STXBP4: variants seen among roughly 807,000 people sequenced by gnomAD.
STXBP4 encodes the protein syntaxin binding protein 4.
STXBP4 carries 55 observed loss-of-function variants against 76.1 expected under a neutral mutation model. The observed-to-expected ratio is 0.72, with a 90% confidence interval of 0.58 to 0.91. STXBP4 has a LOEUF of 0.91. Ranked by LOEUF, STXBP4 falls within the 40% of genes least tolerant of loss-of-function variation. The pLI is 0.00. For synonymous variants in STXBP4, 201 were observed against 220.2 expected (o/e 0.91, Z 0.77); for missense variants, 618 against 636.9 (o/e 0.97, Z 0.32).
At chr17:55,020,925 A>C (rs1466809319) in intron 8 of STXBP4, among the ~76,000 whole-genome samples, 5 of 152,140 alleles carry the variant, frequency 3.3e-5, no homozygotes, top group African/African-American at 1.2e-4. Context: ...AAAGATTTAC[A>C]TATGTATGTT....
At chr17:55,036,668 A>G (rs546428831) in intron 10 of STXBP4, among the ~76,000 whole-genome samples, 3 of 151,986 alleles carry the variant, frequency 2.0e-5, no homozygotes, top group African/African-American at 4.8e-5. Flanking sequence ...AATAAATGAT[A>G]TGGTCAGTCA....
chr17:55,144,137 A>G (rs952179510), intron 17 of STXBP4, among the ~76,000 whole-genome samples: 16 of 152,164 alleles, frequency 1.1e-4, no homozygotes, highest in African/African-American at 3.6e-4. Flanking sequence ...ATTTAGGAAG[A>G]GCTCTATACT....
At chr17:55,184,352 A>G in the STXBP4 span, among the ~76,000 whole-genome samples, 2 of 152,230 alleles carry the variant, frequency 1.3e-5, no homozygotes, top group African/African-American at 4.8e-5. Flanking sequence ...TAACACATGC[A>G]CAAGTGTACC....
intron 4 of STXBP4, among the ~76,000 whole-genome samples, chr17:54,995,541 G>A (rs752218265): frequency 4.6e-5 from 7 of 152,174 alleles, no homozygotes; most frequent in African/African-American, 7.2e-5. Flanking sequence ...GTGTGTGTAT[G>A]TACGTATTTT....
intron 10 of STXBP4, among the ~76,000 whole-genome samples, chr17:55,041,534 A>G: frequency 6.6e-6 from 1 of 152,044 alleles, no homozygotes; most frequent in Admixed American, 6.6e-5. Context: ...AAACTTCTGA[A>G]TCCTGCTTAT....
chr17:55,105,714 G>A (rs907756136), intron 16 of STXBP4, among the ~76,000 whole-genome samples: 10 of 151,660 alleles, frequency 6.6e-5, no homozygotes, highest in Middle Eastern at 3.2e-3. Context: ...TCCGGACCCC[G>A]TTACCCACCA....
At chr17:55,027,937 A>C (rs1006407067) in intron 8 of STXBP4, among the ~76,000 whole-genome samples, 4 of 152,122 alleles carry the variant, frequency 2.6e-5, no homozygotes, top group African/African-American at 4.8e-5. Flanking sequence ...ATATGCTTTT[A>C]GTATATACCA....
intron 12 of STXBP4, among the ~76,000 whole-genome samples, chr17:55,060,225 A>G (rs2078978833): frequency 6.6e-6 from 1 of 152,116 alleles, no homozygotes; most frequent in African/African-American, 2.4e-5. Flanking sequence ...TTTCTTATGT[A>G]CATAGAATGA....
intron 16 of STXBP4, among the ~76,000 whole-genome samples, chr17:55,134,213 C>T (rs2080002886): frequency 1.3e-5 from 2 of 151,538 alleles, no homozygotes; most frequent in Admixed American, 1.3e-4. Context: ...TCTAGAAGTT[C>T]TCTTTCTGCT....
At chr17:55,036,032 C>T (rs1440391069) in intron 10 of STXBP4, among the ~76,000 whole-genome samples, 3 of 151,926 alleles carry the variant, frequency 2.0e-5, no homozygotes, top group African/African-American at 7.2e-5. Flanking sequence ...TTAAAATCTG[C>T]TCTCTTAGCA....
rs531158426 is a variant in STXBP4, at chr17:55,148,861, C to T, written c.1547+7494C>T. ...TTGGCTTTTAGTGGACACTGTCTAA[C>T]ACCCTCCTTCTAAAGATCTCATTAA... is the stretch of plus-strand genomic sequence containing the variant. On this transcript the variant is annotated intron_variant, in intron 17 of 17. Coordinates refer to ENST00000376352, the MANE Select transcript of STXBP4 (RefSeq NM_178509.6). 7.9e-5 allele frequency among the ~76,000 whole-genome samples: 12 copies of T among 152,294 alleles called. No individual in the cohort carries two copies. In the East Asian group the frequency reaches 2.3e-3, roughly 29 times the overall value.
the STXBP4 span, among the ~76,000 whole-genome samples, chr17:55,199,415 G>T: frequency 6.6e-6 from 1 of 152,160 alleles, no homozygotes; most frequent in Non-Finnish European, 1.5e-5. Flanking sequence ...AAAGAATTTT[G>T]GTTCATTATA....
chr17:55,090,857 GT>G (rs2079404385), intron 16 of STXBP4, among the ~76,000 whole-genome samples: 1 of 232 alleles, frequency 4.3e-3, no homozygotes, highest in Non-Finnish European at 7.0e-3. Flanking sequence ...GTGTGTGTCT[GT>G]GTGTGTGTGT....
intron 10 of STXBP4, among the ~76,000 whole-genome samples, chr17:55,038,410 C>G (rs977271093): frequency 2.0e-5 from 3 of 152,072 alleles, no homozygotes; most frequent in African/African-American, 2.4e-5. Context: ...AATATGTACT[C>G]TTTTGTAACT....
At chr17:55,149,595 A>G (rs2080192551) in intron 17 of STXBP4, among the ~76,000 whole-genome samples, 1 of 152,200 alleles carries the variant, frequency 6.6e-6, no homozygotes, top group South Asian at 2.1e-4. Context: ...TCCTTATTTT[A>G]TACTATTGCT....
At chr17:54,993,062 T>C (rs2077744084) in intron 4 of STXBP4, among the ~76,000 whole-genome samples, 1 of 152,196 alleles carries the variant, frequency 6.6e-6, no homozygotes, top group Admixed American at 6.5e-5. Flanking sequence ...TTTGTTACGA[T>C]GAAAACTATT....
At chr17:55,036,304 GT>G in intron 10 of STXBP4, among the ~76,000 whole-genome samples, 1 of 151,544 alleles carries the variant, frequency 6.6e-6, no homozygotes, top group Non-Finnish European at 1.5e-5. Context: ...ATAAATTTAA[GT>G]TTCTGTGAAC....
chr17:55,091,533 G>A (rs1400636769), intron 16 of STXBP4, among the ~76,000 whole-genome samples: 1 of 152,088 alleles, frequency 6.6e-6, no homozygotes, highest in Non-Finnish European at 1.5e-5. Context: ...CTCATGTGAT[G>A]GGTGGTAGTC....
intron 16 of STXBP4, among the ~76,000 whole-genome samples, chr17:55,126,000 C>T (rs2079907602): frequency 6.6e-6 from 1 of 152,094 alleles, no homozygotes; most frequent in African/African-American, 2.4e-5. Context: ...TTGCAAACCA[C>T]CCAGCAAAGG....
Sources: allele counts gnomAD v4.1 joint callset (sites outside exome capture counted in the v4.1 genomes callset), GRCh38; gene constraint gnomAD v4.1.1; transcripts MANE v1.5; gene names NCBI Gene and HGNC (gene_info 2026-07-23, HGNC 2026-07-21).